Variants in CACNA1C observed in about 807,000 individuals in gnomAD.
CACNA1C encodes voltage-dependent L-type calcium channel subunit alpha-1C.
A neutral mutation model predicts 229.0 loss-of-function variants in CACNA1C; 30 were observed. The ratio of observed to expected loss-of-function variants is 0.13; its 90% CI spans 0.10 to 0.18. CACNA1C has a LOEUF of 0.18. CACNA1C is among the 10% of genes least tolerant of loss of function. The pLI is 1.00. For missense variants in CACNA1C, 1,658 were observed against 2,845.0 expected (o/e 0.58, Z 9.49); for synonymous variants, 1,114 against 1,132.5 (o/e 0.98, Z 0.33).
chr12:2,676,801 G>T, intron 39 of CACNA1C: 1 of 209,418 alleles, frequency 4.8e-6, no homozygotes, highest in Non-Finnish European at 9.7e-6. Flanking sequence ...GAGATAATAT[G>T]TTTGATGATT....
At chr12:2,256,190 G>T (rs932069027) in intron 3 of CACNA1C, among the ~76,000 whole-genome samples, 1 of 152,124 alleles carries the variant, frequency 6.6e-6, no homozygotes, top group Non-Finnish European at 1.5e-5. Context: ...TACTAGATCA[G>T]ACTACCTGGA....
At chr12:2,192,931 A>G (rs913218163) in intron 3 of CACNA1C, among the ~76,000 whole-genome samples, 5 of 152,220 alleles carry the variant, frequency 3.3e-5, no homozygotes, top group Non-Finnish European at 7.3e-5. Flanking sequence ...GTCAGAAGAG[A>G]GTTCATCAGG....
chr12:2,066,623 A>G (rs2059359782), intron 1 of CACNA1C, among the ~76,000 whole-genome samples: 1 of 151,986 alleles, frequency 6.6e-6, no homozygotes, highest in Non-Finnish European at 1.5e-5. Context: ...GCACATGGGG[A>G]CCACTCTTTC....
Position 2,602,664 on chromosome 12 carries a change from G to A in CACNA1C, c.2960+704G>A, listed in dbSNP as rs80219872. ...TGTGTGTGTGTGTGTGTGTGTGTGTGTGTGTGAGTTTTTCATTTCACTGGT... is the reference window on the plus strand; with the variant it reads ...TGTGTGTGTGTGTGTGTGTGTGTGTATGTGTGAGTTTTTCATTTCACTGGT... On this transcript the variant is annotated intron_variant, in intron 22 of 46. Coordinates refer to ENST00000399655, the MANE Select transcript of CACNA1C (RefSeq NM_000719.7). This position sits in a 1 kb window ranked among gnomAD's most constrained non-coding sequence, Gnocchi z 4.4. 7.1e-6 allele frequency among the ~76,000 whole-genome samples: 1 copy of A among 141,680 alleles called. No individual in the cohort carries two copies. Among genetic ancestry groups the A allele is most frequent in the Non-Finnish European group, 1.6e-5 (1 of 64,182 alleles). The allele number at this position is 141,680 out of a possible 152,430, so 92.9% of individuals were successfully genotyped here.
intron 4 of CACNA1C, among the ~76,000 whole-genome samples, chr12:2,455,831 A>G (rs993220629): frequency 1.3e-5 from 2 of 152,096 alleles, no homozygotes; most frequent in Non-Finnish European, 2.9e-5. Context: ...TCTGCAAGCC[A>G]TCCCTCATCA....
chr12:2,502,665 T>G (rs1394614149), intron 7 of CACNA1C, among the ~76,000 whole-genome samples: 9 of 152,232 alleles, frequency 5.9e-5, no homozygotes, highest in African/African-American at 2.2e-4. Flanking sequence ...AAGAACATAT[T>G]GGGATGTAAC....
At chr12:2,058,321 A>C (rs1374542721) in intron 1 of CACNA1C, among the ~76,000 whole-genome samples, 1 of 152,196 alleles carries the variant, frequency 6.6e-6, no homozygotes, top group Admixed American at 6.5e-5. Flanking sequence ...GGGACCCTGA[A>C]ATCAGTGCTG....
At chr12:2,210,935 A>T (rs895774393) in intron 3 of CACNA1C, among the ~76,000 whole-genome samples, 2 of 152,220 alleles carry the variant, frequency 1.3e-5, no homozygotes, top group Non-Finnish European at 2.9e-5. Flanking sequence ...AAGAAAGTAT[A>T]CAGGTGGGCA....
At chr12:2,198,846 A>G (rs565097764) in intron 3 of CACNA1C, among the ~76,000 whole-genome samples, 6 of 152,198 alleles carry the variant, frequency 3.9e-5, no homozygotes, top group African/African-American at 1.4e-4. Context: ...TAAGTTTTCA[A>G]GGTGAGGATG....
Position 2,269,024 on chromosome 12 carries a change from C to G in CACNA1C, c.477+148594C>G, listed in dbSNP as rs1601536261. 2.6e-5 allele frequency among the ~76,000 whole-genome samples: 4 copies of G among 152,186 alleles called. No individual in the cohort carries two copies. In the South Asian group the frequency reaches 8.3e-4, roughly 32 times the overall value. On this transcript the variant is annotated intron_variant, in intron 3 of 46. Coordinates refer to ENST00000399655, the MANE Select transcript of CACNA1C (RefSeq NM_000719.7). The stretch of plus-strand genomic sequence containing the variant: ...TGCTTGCCGGCTCTCTGCCCACTGT[C>G]CTGCCCTGGCAGCAGGTACCAGCAA...
At chr12:2,423,757 A>G (rs2099001402) in intron 3 of CACNA1C, among the ~76,000 whole-genome samples, 1 of 152,212 alleles carries the variant, frequency 6.6e-6, no homozygotes, top group African/African-American at 2.4e-5. Flanking sequence ...ATTTATATCC[A>G]CAGGTCAGAA....
intron 10 of CACNA1C, among the ~76,000 whole-genome samples, chr12:2,553,015 G>A (rs1599820220): frequency 6.6e-6 from 1 of 152,002 alleles, no homozygotes; most frequent in Non-Finnish European, 1.5e-5. Context: ...GGAGAAGGGC[G>A]ACAGCAAAGA....
In CACNA1C at chr12:2,678,428, G is replaced by A. The variant is rs2153795398; in HGVS notation, c.5091+561G>A. On this transcript the variant is annotated intron_variant, in intron 41 of 46. Transcript: ENST00000399655. The surrounding 1 kb of genome is among the most constrained non-coding windows in gnomAD (Gnocchi z 4.1). ...TCCTGGAGACTGAAGCTGCCCAGCAGTTGCAATAGTGAAAATTAAAACGGC... is the reference window on the plus strand; with the variant it reads ...TCCTGGAGACTGAAGCTGCCCAGCAATTGCAATAGTGAAAATTAAAACGGC... Among the ~76,000 whole-genome samples the A allele has an allele frequency of 6.6e-6, 1 of 152,258 alleles. No individual in the cohort carries two copies. The highest frequency in any genetic ancestry group is 2.1e-4 in the South Asian group (1 of 4,820).
chr12:2,276,334 A>G (rs1490185006), intron 3 of CACNA1C, among the ~76,000 whole-genome samples: 1 of 152,180 alleles, frequency 6.6e-6, no homozygotes, highest in African/African-American at 2.4e-5. Context: ...GGGATCTGCC[A>G]TTTCCTCCCT....
intron 3 of CACNA1C, among the ~76,000 whole-genome samples, chr12:2,349,367 G>C (rs184218952): frequency 6.6e-6 from 1 of 152,176 alleles, no homozygotes; most frequent in Non-Finnish European, 1.5e-5. Context: ...AATTTCAACA[G>C]ACTCGCAGGG....
At chr12:2,499,144 C>T (rs1044178865) in intron 7 of CACNA1C, among the ~76,000 whole-genome samples, 7 of 152,092 alleles carry the variant, frequency 4.6e-5, no homozygotes, top group African/African-American at 1.7e-4. Flanking sequence ...ACTTGGTGCT[C>T]CGTGAGGTAG....
rs938488154 is a variant in CACNA1C, at chr12:2,319,168, C to G, written c.478-129808C>G. ...TCACCTGTCCTGGGCAGGCAGGGGT[C>G]CCCACATATCACTGCACCCTCGTGG... On this transcript the variant is annotated intron_variant, in intron 3 of 46. Coordinates refer to ENST00000399655, the MANE Select transcript of CACNA1C (RefSeq NM_000719.7). The surrounding 1 kb of genome is among the most constrained non-coding windows in gnomAD (Gnocchi z 4.0). 2.0e-5 allele frequency among the ~76,000 whole-genome samples: 3 copies of G among 152,016 alleles called. No homozygotes were observed. Among genetic ancestry groups the G allele is most frequent in the African/African-American group, 7.3e-5 (3 of 41,374 alleles).
intron 3 of CACNA1C, among the ~76,000 whole-genome samples, chr12:2,339,507 A>G (rs572778008): frequency 6.6e-6 from 1 of 152,340 alleles, no homozygotes; most frequent in Admixed American, 6.5e-5. Context: ...ATAAACTTTA[A>G]TTTTTAACTT....
chr12:2,506,419 T>G (rs1424900868), intron 8 of CACNA1C, among the ~76,000 whole-genome samples: 1 of 152,218 alleles, frequency 6.6e-6, no homozygotes, highest in African/African-American at 2.4e-5. Flanking sequence ...TTCACCTTTT[T>G]AAATCTTAGT....
Sources: allele counts gnomAD v4.1 joint callset (sites outside exome capture counted in the v4.1 genomes callset), GRCh38; gene constraint gnomAD v4.1.1; non-coding constraint Gnocchi (gnomAD v3.1); transcripts MANE v1.5; gene names NCBI Gene and HGNC (gene_info 2026-07-23, HGNC 2026-07-21).